PLXDC2: variants seen among roughly 807,000 people sequenced by gnomAD.
PLXDC2 encodes plexin domain-containing protein 2.
In PLXDC2, 40 loss-of-function variants were observed where a neutral mutation model predicts 68.9. The observed-to-expected ratio is 0.58, with a 90% CI of 0.45 to 0.76. The LOEUF is 0.76. Ranked by LOEUF, PLXDC2 falls within the 30% of genes least tolerant of loss-of-function variation. PLXDC2 has a pLI of 0.00. For synonymous variants in PLXDC2, 243 were observed against 234.2 expected, an observed-to-expected ratio of 1.04 and a Z score of -0.34; for missense variants, 644 against 661.9, an observed-to-expected ratio of 0.97 and a Z score of 0.30.
At chr10:19,883,588 T>TA (rs1837776691) in intron 1 of PLXDC2, among the ~76,000 whole-genome samples, 1 of 152,070 alleles carries the variant, frequency 6.6e-6, no homozygotes, top group African/African-American at 2.4e-5. Flanking sequence ...CCTGAGAACT[T>TA]ACGTCCCCTT....
chr10:19,919,799 C>T (rs545258741), intron 1 of PLXDC2, among the ~76,000 whole-genome samples: 64 of 152,262 alleles, frequency 4.2e-4, no homozygotes, highest in Non-Finnish European at 7.5e-4. Flanking sequence ...ATTCTAGACA[C>T]AACACAACAA....
chr10:19,899,027 A>G (rs1385810206), intron 1 of PLXDC2, among the ~76,000 whole-genome samples: 7 of 152,162 alleles, frequency 4.6e-5, no homozygotes, highest in African/African-American at 1.7e-4. Context: ...AAATAAAAAC[A>G]ACCCAGAAAC....
chr10:20,203,901 A>G (rs7922202), intron 9 of PLXDC2, among the ~76,000 whole-genome samples: 72,164 of 151,970 alleles, frequency 0.47, 17,337 homozygotes, highest in Middle Eastern at 0.56. Flanking sequence ...ATTGGATTAT[A>G]ATTTCAGCTA....
At chr10:19,839,154 C>A (rs1386232671) in intron 1 of PLXDC2, among the ~76,000 whole-genome samples, 5 of 150,414 alleles carry the variant, frequency 3.3e-5, no homozygotes, top group African/African-American at 1.2e-4. Context: ...CCATTGCACT[C>A]CAGCCTGAGA....
At chr10:19,926,935 T>A (rs1833546182) in intron 1 of PLXDC2, among the ~76,000 whole-genome samples, 1 of 152,190 alleles carries the variant, frequency 6.6e-6, no homozygotes, top group African/African-American at 2.4e-5. Context: ...TCAATGTGAA[T>A]CATGATTGTT....
intron 1 of PLXDC2, among the ~76,000 whole-genome samples, chr10:19,911,198 G>A (rs1343673064): frequency 1.3e-5 from 2 of 151,894 alleles, no homozygotes; most frequent in African/African-American, 4.8e-5. Flanking sequence ...ATTATCTAGT[G>A]TGTATGCTCA....
chr10:20,289,295 T>C lies in PLXDC2; in HGVS notation c.*9476T>C, dbSNP rs1038589666. 3.3e-5 allele frequency: 5 copies of C among 152,174 alleles called. No individual in the cohort carries two copies. The highest frequency in any genetic ancestry group is 5.9e-5 in the Non-Finnish European group (4 of 68,030). The allele number at this position is 152,174 out of a possible 1,614,324, so 9.4% of individuals were successfully genotyped here. A position where few individuals can be genotyped will look rare whatever the true frequency, so the allele number is the denominator to read the frequency against. ...TGTGGGCAATGGGATGGAGACTTTT[T>C]CCCCTATTCCCAGCCACAGTGCCCA... On this transcript the variant is annotated 3_prime_UTR_variant, in exon 14 of 14. Transcript: ENST00000377252.
chr10:19,932,645 A>G (rs1223097820), intron 1 of PLXDC2, among the ~76,000 whole-genome samples: 1 of 152,236 alleles, frequency 6.6e-6, no homozygotes, highest in Non-Finnish European at 1.5e-5. Context: ...ATAGCTCTCC[A>G]TGCAAAATGA....
At chr10:20,144,172 A>G (rs1047869805) in intron 5 of PLXDC2, among the ~76,000 whole-genome samples, 1 of 152,150 alleles carries the variant, frequency 6.6e-6, no homozygotes, top group Non-Finnish European at 1.5e-5. Flanking sequence ...TTAAATATAG[A>G]ATTTTCTGTG....
In PLXDC2 at chr10:20,030,366, A is replaced by T. The variant is rs148413883; in HGVS notation, c.325-16503A>T. Among the ~76,000 whole-genome samples the T allele has an allele frequency of 4.4e-3, 669 of 152,316 alleles. 3 individuals carry two copies. The highest frequency in any genetic ancestry group is 0.015 in the African/African-American group (624 of 41,568). ...ACTTGTTCTGATGAAAACAGTGTGA[A>T]GTGACATTGTGTACCTTGTAGGCAA... On this transcript the variant is annotated intron_variant, in intron 2 of 13. Transcript: ENST00000377252.
chr10:20,035,809 C>T (rs77717906), intron 2 of PLXDC2, among the ~76,000 whole-genome samples: 2,684 of 152,238 alleles, frequency 0.018, 75 homozygotes, highest in African/African-American at 0.061. Flanking sequence ...TAGTCACAAG[C>T]TGGTAGAAAG....
At chr10:19,837,316 T>C (rs1836812715) in intron 1 of PLXDC2, among the ~76,000 whole-genome samples, 1 of 152,134 alleles carries the variant, frequency 6.6e-6, no homozygotes, top group Non-Finnish European at 1.5e-5. Flanking sequence ...GTAGGTTATC[T>C]TTCAGGATAG....
chr10:19,968,771 A>G (rs923399236), intron 1 of PLXDC2, among the ~76,000 whole-genome samples: 1 of 152,190 alleles, frequency 6.6e-6, no homozygotes. Context: ...ACTCAAATAA[A>G]ATGTCTTTCA....
intron 6 of PLXDC2, among the ~76,000 whole-genome samples, chr10:20,163,892 T>C (rs1173705425): frequency 2.0e-5 from 3 of 152,204 alleles, no homozygotes; most frequent in African/African-American, 7.2e-5. Context: ...CATAAGAACT[T>C]AGAAGTCTTT....
intron 10 of PLXDC2, among the ~76,000 whole-genome samples, chr10:20,216,970 T>C (rs1835145809): frequency 6.6e-6 from 1 of 152,208 alleles, no homozygotes; most frequent in Non-Finnish European, 1.5e-5. Context: ...TGAAGTAGTA[T>C]GGGGAAGTTA....
chr10:19,820,374 G>A (rs1167455275), intron 1 of PLXDC2, among the ~76,000 whole-genome samples: 1 of 152,180 alleles, frequency 6.6e-6, no homozygotes, highest in Admixed American at 6.5e-5. Context: ...GCTCACGCCT[G>A]TAATCCCAGC....
chr10:20,003,316 A>C (rs1322193428), intron 2 of PLXDC2, among the ~76,000 whole-genome samples: 1 of 152,194 alleles, frequency 6.6e-6, no homozygotes, highest in Non-Finnish European at 1.5e-5. Context: ...GCAGAGATAT[A>C]AAGGCAGCTC....
chr10:20,221,760 A>G (rs1258647632), intron 12 of PLXDC2, among the ~76,000 whole-genome samples: 1 of 152,218 alleles, frequency 6.6e-6, no homozygotes, highest in East Asian at 1.9e-4. Flanking sequence ...ACATTTCTGC[A>G]AGATTGAGGT....
intron 13 of PLXDC2, among the ~76,000 whole-genome samples, chr10:20,267,520 A>G (rs1398411443): frequency 2.0e-5 from 3 of 152,134 alleles, no homozygotes; most frequent in African/African-American, 4.8e-5. Flanking sequence ...TAACTCAACC[A>G]GGAGCTAAAA....
Sources: allele counts gnomAD v4.1 joint callset (sites outside exome capture counted in the v4.1 genomes callset), GRCh38; gene constraint gnomAD v4.1.1; transcripts MANE v1.5; gene names NCBI Gene and HGNC (gene_info 2026-07-23, HGNC 2026-07-21).